The following P3H2 variants were observed in gnomAD, a reference collection of about 807,000 sequenced individuals.
P3H2 encodes the protein leprecan-like 1.
Under a neutral mutation model 87.0 loss-of-function variants are expected in P3H2, and 80 were observed. The ratio of observed to expected loss-of-function variants is 0.92; its 90% CI spans 0.77 to 1.11. P3H2 has a LOEUF of 1.11. Ranked by LOEUF, P3H2 falls within the 50% of genes least tolerant of loss-of-function variation. P3H2 has a pLI of 0.00. For missense variants in P3H2, 1,001 were observed against 923.9 expected (o/e 1.08, Z -1.08); for synonymous variants, 367 against 359.3 (o/e 1.02, Z -0.24).
At position 189,969,866 on chromosome 3, in the gene P3H2, G is replaced by A. The variant is rs9822579; in HGVS notation, c.1893+950C>T. 1,259 of 1,324,158 alleles carry A rather than the reference G, an allele frequency of 9.5e-4. 14 individuals are homozygous for A. The African/African-American group carries it at 0.016, about 17-fold the overall frequency. 82.0% of individuals were successfully genotyped at this position (1,324,158 alleles called of 1,614,324 possible). ...GGTGGTGGTGCTTGAGGCCATGTCC[G>A]CACAGGAAAGGAAGCTGCAGTGGGC... On this transcript the variant is annotated intron_variant, in intron 13 of 14. Coordinates refer to ENST00000319332, the MANE Select transcript of P3H2 (RefSeq NM_018192.4).
chr3:189,991,750 A>G (rs1198389906), intron 3 of P3H2, among the ~76,000 whole-genome samples: 2 of 152,244 alleles, frequency 1.3e-5, no homozygotes, highest in Admixed American at 6.5e-5. Context: ...CCCAATCATG[A>G]AAGTTCTTAT....
At position 189,995,424 on chromosome 3, in the gene P3H2, C is replaced by G. The variant is rs2108924851; in HGVS notation, c.499G>C (p.Ala167Pro). 2 of 1,613,578 alleles carry G rather than the reference C, an allele frequency of 1.2e-6. No individual in the cohort carries two copies. Among genetic ancestry groups the G allele is most frequent in the Non-Finnish European group, 1.7e-6 (2 of 1,179,952 alleles). The change falls in exon 2 of 15, where the codon GCA (alanine) becomes CCA (proline). Residue 167 changes from alanine to proline, a missense_variant. Coordinates refer to ENST00000319332, the MANE Select transcript of P3H2 (RefSeq NM_018192.4). Reference protein sequence around the residue: ...AYIKLNQLEKAVEAAHTFFVA... With the variant: ...AYIKLNQLEKPVEAAHTFFVA... ...AAAAATGTGTGAGCTGCTTCCACTG[C>G]TTTTTCGAGCTGGTTAAGCTAAAGA...
chr3:190,009,906 C>T (rs1353685452), intron 1 of P3H2, among the ~76,000 whole-genome samples: 2 of 152,114 alleles, frequency 1.3e-5, no homozygotes, highest in African/African-American at 2.4e-5. Context: ...AGAGGAAGTA[C>T]TGTGGGAAAG....
intron 1 of P3H2, among the ~76,000 whole-genome samples, chr3:190,094,587 G>C (rs964607241): frequency 2.0e-5 from 3 of 152,202 alleles, no homozygotes; most frequent in African/African-American, 7.2e-5. Flanking sequence ...CCTTGGAAAG[G>C]CTGACTCAAG....
intron 1 of P3H2, among the ~76,000 whole-genome samples, chr3:190,056,503 C>A (rs756576162): frequency 8.5e-5 from 13 of 152,168 alleles, no homozygotes; most frequent in Non-Finnish European, 1.8e-4. Flanking sequence ...TTCTGGGAAA[C>A]CTTTAAATAT....
chr3:189,969,720 C>T, intron 13 of P3H2: 2 of 1,490,160 alleles, frequency 1.3e-6, no homozygotes, highest in Non-Finnish European at 1.9e-6. Flanking sequence ...TTTATCTTCC[C>T]CAAAATTAAG....
At chr3:190,062,022 CCA>C (rs1726346393) in intron 1 of P3H2, among the ~76,000 whole-genome samples, 2 of 152,056 alleles carry the variant, frequency 1.3e-5, no homozygotes, top group Non-Finnish European at 2.9e-5. Flanking sequence ...TCGAGGTCCT[CCA>C]TGATATGCTA....
chr3:190,019,399 G>A (rs1043813664), intron 1 of P3H2, among the ~76,000 whole-genome samples: 5 of 152,102 alleles, frequency 3.3e-5, no homozygotes, highest in Admixed American at 6.5e-5. Context: ...TTTCAGAACC[G>A]AAAAATTGTC....
intron 1 of P3H2, among the ~76,000 whole-genome samples, chr3:190,072,746 A>T (rs1033491792): frequency 6.6e-6 from 1 of 152,242 alleles, no homozygotes; most frequent in Non-Finnish European, 1.5e-5. Flanking sequence ...ACTAAACAAC[A>T]TGCACAATAT....
At chr3:190,023,451 G>A (rs1471917624) in intron 1 of P3H2, among the ~76,000 whole-genome samples, 1 of 152,174 alleles carries the variant, frequency 6.6e-6, no homozygotes, top group Admixed American at 6.5e-5. Flanking sequence ...GATGGCGAAG[G>A]GGAAGCAATG....
chr3:190,003,424 A>G (rs548725071), intron 1 of P3H2, among the ~76,000 whole-genome samples: 1 of 152,264 alleles, frequency 6.6e-6, no homozygotes, highest in Admixed American at 6.5e-5. Flanking sequence ...AAAACATTAA[A>G]GTGAAGACAC....
At chr3:190,088,024 T>C (rs1166725841) in intron 1 of P3H2, among the ~76,000 whole-genome samples, 1 of 152,218 alleles carries the variant, frequency 6.6e-6, no homozygotes, top group Non-Finnish European at 1.5e-5. Flanking sequence ...TATCAAAACT[T>C]AATGTGCTAG....
At chr3:190,045,000 C>T (rs1343837477) in intron 1 of P3H2, among the ~76,000 whole-genome samples, 1 of 152,052 alleles carries the variant, frequency 6.6e-6, no homozygotes, top group East Asian at 1.9e-4. Flanking sequence ...GCTAAGGTAG[C>T]CAGAAAGGCC....
Position 189,973,825 on chromosome 3 carries a change from CTT to C in P3H2, c.1548+82_1548+83del. 2.7e-6 allele frequency: 3 copies of C among 1,091,170 alleles called. No individual in the cohort carries two copies. The South Asian group carries it at 3.7e-5, about 14-fold the overall frequency. The allele number at this position is 1,091,170 out of a possible 1,614,324, so 67.6% of individuals were successfully genotyped here. On this transcript the variant is annotated intron_variant, in intron 10 of 14. Transcript: ENST00000319332. ...AGGCGTGAGCCACTGTGCCTGGCCA[CTT>C]TTTTCTTTCTTATATCTGCCATTTA...
intron 8 of P3H2, among the ~76,000 whole-genome samples, chr3:189,980,600 T>C (rs1303556035): frequency 6.6e-6 from 1 of 152,060 alleles, no homozygotes; most frequent in East Asian, 1.9e-4. Context: ...TGTTTTCTGG[T>C]TGGAAACTTT....
Position 190,120,414 on chromosome 3 carries a change from C to A in P3H2, c.318G>T (p.Glu106Asp). Reference protein sequence around the residue: ...PPPPGEGPGAELPLFRSLLGR... With the variant: ...PPPPGEGPGADLPLFRSLLGR... The stretch of plus-strand genomic sequence containing the variant: ...CCAACAAGGAGCGGAAAAGGGGCAG[C>A]TCAGCGCCGGGGCCCTCGCCGGGGG... The change falls in exon 1 of 15, where the codon GAG becomes GAT. Residue 106 changes from glutamate to aspartate, a missense_variant. Glu to Asp is a conservative substitution (Grantham distance 45). Transcript: ENST00000319332. 1 of 1,513,572 alleles carries A rather than the reference C, an allele frequency of 6.6e-7. No individual in the cohort carries two copies. The highest frequency in any genetic ancestry group is 8.8e-7 in the Non-Finnish European group (1 of 1,137,712). The allele number at this position is 1,513,572 out of a possible 1,614,324, so 93.8% of individuals were successfully genotyped here.
In P3H2 at chr3:189,956,815, T is replaced by A. The variant is rs1473984113; in HGVS notation, c.*1097A>T. 1 of 272,932 alleles carries A rather than the reference T, an allele frequency of 3.7e-6. No individual in the cohort carries two copies. Among genetic ancestry groups the A allele is most frequent in the East Asian group, 6.3e-5 (1 of 15,932 alleles). 16.9% of individuals were successfully genotyped at this position (272,932 alleles called of 1,614,324 possible). ...CAGCAATGAGGAGGGGCCCCCAAAA[T>A]ATAAGCAGATGACGGTTAAAATCAA... is the stretch of plus-strand genomic sequence containing the variant. On this transcript the variant is annotated 3_prime_UTR_variant, in exon 15 of 15. Transcript: ENST00000319332.
chr3:190,103,941 GC>G (rs1711732190), intron 1 of P3H2, among the ~76,000 whole-genome samples: 1 of 151,856 alleles, frequency 6.6e-6, no homozygotes, highest in African/African-American at 2.4e-5. Context: ...ACAGGTGCCC[GC>G]CACCACATCT....
intron 1 of P3H2, among the ~76,000 whole-genome samples, chr3:190,035,986 T>C (rs766664544): frequency 6.6e-6 from 1 of 152,154 alleles, no homozygotes. Flanking sequence ...TGGAAACCAT[T>C]TGTTAGTTGG....
Sources: gnomAD v4.1 joint callset for allele counts (sites outside exome capture counted in the v4.1 genomes callset) on GRCh38, gnomAD v4.1.1 for gene constraint, MANE v1.5 for transcripts, NCBI Gene and HGNC (gene_info 2026-07-23, HGNC 2026-07-21) for gene names.